Variants in AP1G1 observed in about 807,000 individuals in gnomAD.
AP1G1 encodes the protein adaptor related protein complex 1 subunit gamma 1.
A neutral mutation model predicts 108.3 loss-of-function variants in AP1G1; 7 were observed. The observed-to-expected ratio is 0.06, with a 90% CI of 0.04 to 0.12. The LOEUF is 0.12. Among genes scored for constraint, AP1G1 ranks in the 10% least tolerant of loss-of-function variants. AP1G1 has a pLI of 1.00. For missense variants in AP1G1, 756 were observed against 1,010.7 expected, an observed-to-expected ratio of 0.75 and a Z score of 3.42; for synonymous variants, 379 against 353.5, an observed-to-expected ratio of 1.07 and a Z score of -0.81.
At chr16:71,741,707 A>C (rs1295647603) in intron 19 of AP1G1, among the ~76,000 whole-genome samples, 1 of 152,250 alleles carries the variant, frequency 6.6e-6, no homozygotes, top group Admixed American at 6.5e-5. Flanking sequence ...CAGATTATCA[A>C]TGAAGCAGAC....
chr16:71,753,847 G>T lies in AP1G1; in HGVS notation c.1270C>A (p.Arg424Ser). The T allele has an allele frequency of 6.2e-7, 1 of 1,613,868 alleles. No homozygotes were observed. The highest frequency in any genetic ancestry group is 8.5e-7 in the Non-Finnish European group (1 of 1,179,804). ...AAGCTACTTACCGTTGTCAAAACAC[G>T]CATAATTGTGTCTATATGCCATCGT... is the stretch of plus-strand genomic sequence containing the variant. The part of the protein sequence containing the change: ...SKRWHIDTIM[R>S]VLTTAGSYVR... The change falls in exon 13 of 23, where the codon CGT becomes AGT. Residue 424 changes from arginine (R) to serine (S), a missense_variant. Transcript: ENST00000299980.
chr16:71,799,904 T>G (rs1265468108), intron 1 of AP1G1, among the ~76,000 whole-genome samples: 1 of 86,240 alleles, frequency 1.2e-5, no homozygotes, highest in Non-Finnish European at 3.1e-5. Flanking sequence ...ATCTTAAAAA[T>G]AATAATAATA....
At chr16:71,799,922 T>G (rs1022272037) in intron 1 of AP1G1, among the ~76,000 whole-genome samples, 10 of 147,122 alleles carry the variant, frequency 6.8e-5, no homozygotes, top group African/African-American at 2.5e-4. Context: ...ATAATAATAA[T>G]AATAAAAAAT....
At chr16:71,768,990 A>AAAC (rs2031457970) in intron 6 of AP1G1, among the ~76,000 whole-genome samples, 1 of 144,798 alleles carries the variant, frequency 6.9e-6, no homozygotes, top group Non-Finnish European at 1.5e-5. Flanking sequence ...AAAAAAAAAA[A>AAAC]AAAAAAAACA....
At chr16:71,778,864 T>G (rs1191384537) in intron 2 of AP1G1, among the ~76,000 whole-genome samples, 1 of 152,128 alleles carries the variant, frequency 6.6e-6, no homozygotes, top group Non-Finnish European at 1.5e-5. Context: ...CACTGTTGCA[T>G]GAGTTAAAGA....
At chr16:71,741,612 A>C (rs1028093366) in intron 19 of AP1G1, among the ~76,000 whole-genome samples, 3 of 152,184 alleles carry the variant, frequency 2.0e-5, no homozygotes, top group Non-Finnish European at 4.4e-5. Context: ...TGACATATTA[A>C]AAATTAGCAA....
intron 15 of AP1G1, among the ~76,000 whole-genome samples, chr16:71,749,177 A>G (rs1040859009): frequency 4.0e-5 from 6 of 151,540 alleles, no homozygotes; most frequent in African/African-American, 4.8e-5. Context: ...TTGGCCTCCC[A>G]AAGTGCTGGG....
Position 71,773,361 on chromosome 16 carries a change from C to A in AP1G1, c.328G>T (p.Asp110Tyr). 1 of 1,513,640 alleles carries A rather than the reference C, an allele frequency of 6.6e-7. No individual in the cohort carries two copies. Among genetic ancestry groups the A allele is most frequent in the South Asian group, 1.4e-5 (1 of 73,630 alleles). 93.8% of individuals were successfully genotyped at this position (1,513,640 alleles called of 1,614,324 possible). A position where few individuals can be genotyped will look rare whatever the true frequency, so the allele number is the denominator to read the frequency against. The change falls in exon 4 of 23, where the codon GAT (aspartate) becomes TAT (tyrosine). Residue 110 changes from aspartate to tyrosine, a missense_variant and splice_region_variant. Physicochemically the swap from Asp to Tyr is radical, Grantham distance 160. This residue lies in a region of AP1G1 where 304 missense variants were observed against 483.6 expected (regional missense o/e 0.63). Transcript: ENST00000299980. ...HLLMTNCIKN[D>Y]LNHSTQFVQG... Reference sequence around the variant, plus strand: ...ACGAATTGCGTGCTATGATTAAGATCACTGCAAAAGAAAAGAGGAAGGTAG... The same window carrying A: ...ACGAATTGCGTGCTATGATTAAGATAACTGCAAAAGAAAAGAGGAAGGTAG...
chr16:71,739,473 A>G, intron 19 of AP1G1, 132 bp from the exon 20 acceptor site: 1 of 655,828 alleles, frequency 1.5e-6, no homozygotes, highest in Non-Finnish European at 2.5e-6. Context: ...AGCATAGACC[A>G]CAAAGAGAAA....
intron 6 of AP1G1, 179 bp from the exon 7 acceptor site, chr16:71,765,763 CA>C: frequency 3.7e-6 from 2 of 543,544 alleles, no homozygotes. Flanking sequence ...GGGCAATATT[CA>C]AGAAGTAGTA....
Position 71,733,115 on chromosome 16 carries a change from G to C in AP1G1, c.2412C>G (p.Gly804=), listed in dbSNP as rs763008013. The C allele has an allele frequency of 4.5e-5, 73 of 1,614,018 alleles. No homozygotes were observed. The highest frequency in any genetic ancestry group is 6.0e-5 in the Non-Finnish European group (71 of 1,180,020). ...MRIKLTYNHK[G]SAMQDLAEVN... is the part of the protein sequence containing the mutation. ...CCTCTGCTAGATCTTGCATTGCTGAGCCCTTGTGATTATATGTAAGCTTGA... is the reference window on the plus strand; with the variant it reads ...CCTCTGCTAGATCTTGCATTGCTGACCCCTTGTGATTATATGTAAGCTTGA... The change falls in exon 23 of 23, where the codon GGC becomes GGG. Residue 804 remains glycine, a synonymous_variant. Coordinates refer to ENST00000299980, the MANE Select transcript of AP1G1 (RefSeq NM_001128.6).
chr16:71,800,139 T>G (rs185170744), intron 1 of AP1G1, among the ~76,000 whole-genome samples: 1,735 of 123,802 alleles, frequency 0.014, 31 homozygotes, highest in African/African-American at 0.05. Context: ...CCGAGGCAGG[T>G]GGATCACGAG....
At chr16:71,778,071 T>C (rs2031858803) in intron 2 of AP1G1, among the ~76,000 whole-genome samples, 1 of 152,156 alleles carries the variant, frequency 6.6e-6, no homozygotes. Context: ...TTCCTCTGTG[T>C]GCAGTAGGCA....
chr16:71,807,704 T>A, intron 1 of AP1G1: 1 of 805,790 alleles, frequency 1.2e-6, no homozygotes, highest in South Asian at 1.4e-5. Flanking sequence ...ATCATTACTG[T>A]ACAAACACTT....
intron 19 of AP1G1, among the ~76,000 whole-genome samples, chr16:71,744,215 G>A (rs1477701692): frequency 6.6e-6 from 1 of 152,184 alleles, no homozygotes; most frequent in African/African-American, 2.4e-5. Flanking sequence ...CTGCACTCCA[G>A]CCTGTGCAAC....
chr16:71,792,533 T>C lies in AP1G1; in HGVS notation c.-3-3051A>G, dbSNP rs575473607. Among the ~76,000 whole-genome samples the C allele has an allele frequency of 2.3e-3, 353 of 152,144 alleles. 1 individual carries two copies. The highest frequency in any genetic ancestry group is 0.012 in the South Asian group (59 of 4,808). On this transcript the variant is annotated intron_variant, in intron 1 of 22. Transcript: ENST00000299980. ...GGAGGCACACCACAGGAACCAAGCA[T>C]TGGAAGTAACAGGAAGTTAAAGAAT...
At chr16:71,808,610 G>C in intron 1 of AP1G1, 153 bp downstream of exon 1, 1 of 1,289,614 alleles carries the variant, frequency 7.8e-7, no homozygotes, top group Non-Finnish European at 1.0e-6. Context: ...GGGGCTCCCG[G>C]CCTCTCCTGG....
chr16:71,755,336 C>T (rs535648423), intron 12 of AP1G1, among the ~76,000 whole-genome samples: 4 of 152,172 alleles, frequency 2.6e-5, no homozygotes, highest in East Asian at 3.9e-4. Context: ...ACTTGGGGGG[C>T]TGAGGCAGGA....
At chr16:71,749,427 T>G (rs912521876) in intron 15 of AP1G1, among the ~76,000 whole-genome samples, 2 of 151,160 alleles carry the variant, frequency 1.3e-5, no homozygotes, top group African/African-American at 4.9e-5. Flanking sequence ...AAGGCTGCAG[T>G]GAATTGTGAT....
Sources: gnomAD v4.1 joint callset for allele counts (sites outside exome capture counted in the v4.1 genomes callset) on GRCh38, gnomAD v4.1.1 for gene constraint, gnomAD v4.1.1 regional missense constraint, MANE v1.5 for transcripts, NCBI Gene and HGNC (gene_info 2026-07-23, HGNC 2026-07-21) for gene names.